Variants in NDRG2 observed in about 807,000 individuals in gnomAD.
NDRG2 encodes NDRG family member 2.
In NDRG2, 34 loss-of-function variants were observed where a neutral mutation model predicts 58.2. The observed-to-expected ratio is 0.58, with a 90% CI of 0.44 to 0.78. The LOEUF (loss-of-function observed/expected upper bound fraction) is 0.78. NDRG2 is among the 30% of genes least tolerant of loss of function. The pLI is 0.00. For synonymous variants in NDRG2, 187 were observed against 175.9 expected (o/e 1.06, Z -0.50); for missense variants, 434 against 471.2 (o/e 0.92, Z 0.73).
upstream of NDRG2, chr14:21,025,208 G>A (rs1452532869): frequency 3.5e-6 from 3 of 862,554 alleles, no homozygotes; most frequent in East Asian, 1.2e-4. This position sits in a 1 kb window ranked among gnomAD's most constrained non-coding sequence, Gnocchi z 5.1. Context: ...CCAGACTGCC[G>A]CTCAGGAAAG....
intron 6 of NDRG2, chr14:21,021,213 G>A (rs1429133220): frequency 7.2e-6 from 3 of 416,164 alleles, no homozygotes; most frequent in African/African-American, 6.2e-5. Context: ...AGAGGAACGG[G>A]AAGAATGGAA....
chr14:21,065,183 CA>C (rs1251545995), intron 1 of NDRG2, among the ~76,000 whole-genome samples: 15 of 144,698 alleles, frequency 1.0e-4, no homozygotes, highest in African/African-American at 3.9e-4. Context: ...AAAAAAAAAA[CA>C]AACAACAACA....
chr14:21,039,394 C>T (rs910775019), intron 1 of NDRG2, among the ~76,000 whole-genome samples: 1 of 152,180 alleles, frequency 6.6e-6, no homozygotes, highest in African/African-American at 2.4e-5. Flanking sequence ...TTTTTCTTCC[C>T]TTCTGTCTTC....
intron 1 of NDRG2, among the ~76,000 whole-genome samples, chr14:21,063,688 T>C (rs999963755): frequency 4.6e-5 from 7 of 152,184 alleles, no homozygotes; most frequent in African/African-American, 1.4e-4. Flanking sequence ...CAATGAGAGC[T>C]GAGGCCACTG....
upstream of NDRG2, among the ~76,000 whole-genome samples, chr14:21,027,726 C>T (rs1035951351): frequency 2.0e-5 from 3 of 152,190 alleles, no homozygotes; most frequent in Admixed American, 6.5e-5. Flanking sequence ...TTCTAGGGCC[C>T]TTTGCAAGAT....
Position 21,020,802 on chromosome 14 carries a change from G to A in NDRG2, c.450C>T (p.Tyr150=), listed in dbSNP as rs1879742001. 6.2e-7 allele frequency: 1 copy of A among 1,614,046 alleles called. No individual in the cohort carries two copies. Among genetic ancestry groups the A allele is most frequent in the African/African-American group, 1.3e-5 (1 of 75,028 alleles). The stretch of plus-strand genomic sequence containing the variant: ...TTCTTACAGCATATCTCGCCAGGAT[G>A]TAGGCTCCAGCTCCAACACCAACTC... ...IIGVGVGAGA[Y]ILARYALNHP... The change falls in exon 7 of 16, where the codon TAC becomes TAT. Residue 150 remains tyrosine, a synonymous_variant. Coordinates refer to ENST00000556147, the MANE Select transcript of NDRG2 (RefSeq NM_001320329.2).
chr14:21,025,800 G>C, upstream of NDRG2: 5 of 792,374 alleles, frequency 6.3e-6, no homozygotes, highest in Non-Finnish European at 7.6e-6. This position sits in a 1 kb window ranked among gnomAD's most constrained non-coding sequence, Gnocchi z 5.1. Flanking sequence ...GCGATCGCGG[G>C]CAGGCGGGGG....
At chr14:21,021,269 G>C (rs181674716) in intron 6 of NDRG2, 5 of 369,682 alleles carry the variant, frequency 1.4e-5, no homozygotes, top group Non-Finnish European at 2.7e-5. Context: ...GAACAATGGA[G>C]AGAATGAGGA....
chr14:21,056,780 G>A (rs1262869729), intron 1 of NDRG2, among the ~76,000 whole-genome samples: 2 of 152,164 alleles, frequency 1.3e-5, no homozygotes, highest in East Asian at 1.9e-4. Context: ...CTCACTCGGC[G>A]GCCTTGGAAA....
In NDRG2 at chr14:21,070,390, C is replaced by T; in HGVS notation, c.24+438G>A. On this transcript the variant is annotated intron_variant, in intron 1 of 14. Coordinates refer to the NDRG2 transcript ENST00000403829. This position sits in a 1 kb window ranked among gnomAD's most constrained non-coding sequence, Gnocchi z 4.7. ...ACCAAGCGTCGGACGCGGCCCGGCG[C>T]CGAGCCATGGTGAGTCCAGCGTCGC... 1.4e-6 allele frequency: 2 copies of T among 1,413,150 alleles called. No homozygotes were observed. The highest frequency in any genetic ancestry group is 9.2e-7 in the Non-Finnish European group (1 of 1,092,482). 87.5% of individuals were successfully genotyped at this position (1,413,150 alleles called of 1,614,324 possible).
At chr14:21,031,402 G>A (rs1243460) in intron 1 of NDRG2, 66,359 of 512,798 alleles carry the variant, frequency 0.13, 5,192 homozygotes, top group East Asian at 0.27. Context: ...TCTAGTATCT[G>A]AGCCAGGCAA....
chr14:21,058,074 C>G (rs750510073), intron 1 of NDRG2: 1 of 1,614,166 alleles, frequency 6.2e-7, no homozygotes, highest in Non-Finnish European at 8.5e-7. Flanking sequence ...AATAAGTACA[C>G]AGAACGGTGC....
chr14:21,043,245 A>AC (rs750092992), intron 1 of NDRG2: 22 of 1,613,648 alleles, frequency 1.4e-5, no homozygotes, highest in Non-Finnish European at 1.9e-5. Context: ...CACCTGCCAG[A>AC]CCCCCAAAAT....
intron 7 of NDRG2, 68 bp downstream of exon 7, chr14:21,020,716 C>T: frequency 6.2e-7 from 1 of 1,604,668 alleles, no homozygotes; most frequent in Non-Finnish European, 8.5e-7. Context: ...CCAAACAGCA[C>T]TAATAAACAG....
rs950644581 is a variant in NDRG2 at position 21,070,320 on chromosome 14, G to A, written c.24+508C>T. Reference sequence around the variant, plus strand: ...CCCTTAGCCAGACCCGGCGAGACACGAGCGGCGGGAGGGAGGCGGTGGCGC... The same window carrying A: ...CCCTTAGCCAGACCCGGCGAGACACAAGCGGCGGGAGGGAGGCGGTGGCGC... On this transcript the variant is annotated intron_variant, in intron 1 of 14. Transcript: ENST00000403829. The surrounding 1 kb of genome is among the most constrained non-coding windows in gnomAD (Gnocchi z 4.7). 4 of 1,384,440 alleles carry A rather than the reference G, an allele frequency of 2.9e-6. No individual in the cohort carries two copies. The African/African-American group carries it at 6.1e-5, about 21-fold the overall frequency. 85.8% of individuals were successfully genotyped at this position (1,384,440 alleles called of 1,614,324 possible). A position where few individuals can be genotyped will look rare whatever the true frequency, so the allele number is the denominator to read the frequency against.
intron 1 of NDRG2, among the ~76,000 whole-genome samples, chr14:21,047,871 C>T (rs1885267507): frequency 6.6e-6 from 1 of 152,106 alleles, no homozygotes. Flanking sequence ...TCTCCACACA[C>T]TGAAGTAAAT....
chr14:21,018,062 G>C, intron 14 of NDRG2, 24 bp from the exon 15 acceptor site: 1 of 1,611,764 alleles, frequency 6.2e-7, no homozygotes, highest in Non-Finnish European at 8.5e-7. Context: ...AAGAGGCGAG[G>C]GAGACGGTGA....
intron 6 of NDRG2, 108 bp downstream of exon 6, chr14:21,021,709 G>T: frequency 1.7e-6 from 2 of 1,196,474 alleles, no homozygotes; most frequent in Non-Finnish European, 1.2e-6. Flanking sequence ...GATATATTGA[G>T]TTCAGAAGCT....
chr14:21,050,170 A>G (rs926348534), intron 1 of NDRG2, among the ~76,000 whole-genome samples: 3 of 152,212 alleles, frequency 2.0e-5, no homozygotes, highest in Non-Finnish European at 4.4e-5. Context: ...CATCCAAAAG[A>G]GTATTAAGTG....
Sources: allele counts gnomAD v4.1 joint callset (sites outside exome capture counted in the v4.1 genomes callset), GRCh38; gene constraint gnomAD v4.1.1; non-coding constraint Gnocchi (gnomAD v3.1); transcripts MANE v1.5; gene names NCBI Gene and HGNC (gene_info 2026-07-23, HGNC 2026-07-21).